SLC7A2: variants seen among roughly 807,000 people sequenced by gnomAD.
The protein encoded by SLC7A2 is solute carrier family 7 member 2.
In SLC7A2, 48 loss-of-function variants were observed where a neutral mutation model predicts 58.9. The observed-to-expected ratio is 0.82, with a 90% CI of 0.65 to 1.04. SLC7A2 has a LOEUF of 1.04. SLC7A2 is among the 50% of genes least tolerant of loss of function. SLC7A2 has a pLI of 0.00. For synonymous variants in SLC7A2, 363 were observed against 314.5 expected (o/e 1.15, Z -1.63); for missense variants, 1,029 against 818.8 (o/e 1.26, Z -3.13).
intron 9 of SLC7A2, among the ~76,000 whole-genome samples, chr8:17,558,645 C>T (rs759356010): frequency 1.2e-4 from 19 of 152,148 alleles, no homozygotes; most frequent in African/African-American, 3.4e-4. Context: ...TAATGTCTAA[C>T]GACACTTAAA....
intron 5 of SLC7A2, among the ~76,000 whole-genome samples, chr8:17,549,719 A>G (rs78382712): frequency 0.081 from 12,305 of 152,240 alleles, 597 homozygotes; most frequent in Middle Eastern, 0.16. Context: ...GTACACCTGT[A>G]TGTTTTTCTT....
intron 2 of SLC7A2, among the ~76,000 whole-genome samples, chr8:17,522,187 C>G (rs546145156): frequency 2.0e-5 from 3 of 152,092 alleles, no homozygotes; most frequent in Non-Finnish European, 4.4e-5. Flanking sequence ...GCAAAAGTCA[C>G]GTCTTACAGG....
Position 17,550,431 on chromosome 8 carries a change from A to G in SLC7A2, c.829A>G (p.Thr277Ala). The G allele has an allele frequency of 6.2e-7, 1 of 1,613,282 alleles. No individual in the cohort carries two copies. ...TGTGGGATTTGACTGCATTGCAACA[A>G]CTGGTAAGAGCAGTGTCTTGGCTCA... is the stretch of plus-strand genomic sequence containing the variant. ...AFVGFDCIAT[T>A]GEEVRNPQKA... Residue 277 changes from threonine to alanine, a missense_variant, in exon 6 of 13, where the codon ACT becomes GCT. Thr to Ala is a moderately conservative substitution (Grantham distance 58). Coordinates refer to ENST00000494857, the MANE Select transcript of SLC7A2 (RefSeq NM_001370338.1).
intron 12 of SLC7A2, 113 bp downstream of exon 12, chr8:17,563,824 C>T: frequency 1.4e-6 from 1 of 690,900 alleles, no homozygotes; most frequent in African/African-American, 1.8e-5. Context: ...TCTTTCTTTC[C>T]TAATTCTTAG....
chr8:17,548,609 T>C (rs888396715), intron 4 of SLC7A2, 69 bp from the exon 5 acceptor site: 1 of 1,086,440 alleles, frequency 9.2e-7, no homozygotes, highest in Non-Finnish European at 1.4e-6. Flanking sequence ...CCTAAAGTCA[T>C]GTATTTGCCT....
At chr8:17,541,212 C>A (rs1293932257) in intron 2 of SLC7A2, among the ~76,000 whole-genome samples, 1 of 152,170 alleles carries the variant, frequency 6.6e-6, no homozygotes, top group African/African-American at 2.4e-5. Flanking sequence ...TCCCTCCTGG[C>A]CCCCTCAGTT....
chr8:17,566,350 A>G lies in SLC7A2; in HGVS notation c.*1204A>G, dbSNP rs553842519. ...AGAAAATCCCCCTGTTCTGATAGGAACGGCCTGTTCCATTGTTAAATGGCA... is the reference window on the plus strand; with the variant it reads ...AGAAAATCCCCCTGTTCTGATAGGAGCGGCCTGTTCCATTGTTAAATGGCA... On this transcript the variant is annotated 3_prime_UTR_variant, in exon 13 of 13. Coordinates refer to ENST00000494857, the MANE Select transcript of SLC7A2 (RefSeq NM_001370338.1). The G allele has an allele frequency of 3.3e-5, 5 of 152,318 alleles. No individual in the cohort carries two copies. The highest frequency in any genetic ancestry group is 9.6e-5 in the African/African-American group (4 of 41,576). 9.4% of individuals were successfully genotyped at this position (152,318 alleles called of 1,614,324 possible).
At chr8:17,540,124 A>C (rs868058422) in intron 2 of SLC7A2, among the ~76,000 whole-genome samples, 1 of 152,312 alleles carries the variant, frequency 6.6e-6, no homozygotes, top group South Asian at 2.1e-4. Context: ...TCTGCTAAGC[A>C]CTGCATGATA....
chr8:17,523,773 A>G (rs1364869804), intron 2 of SLC7A2, among the ~76,000 whole-genome samples: 1 of 152,238 alleles, frequency 6.6e-6, no homozygotes, highest in Non-Finnish European at 1.5e-5. Context: ...GGACTTAATT[A>G]AACTAAAAAG....
chr8:17,506,697 T>A (rs903252490), intron 2 of SLC7A2, among the ~76,000 whole-genome samples: 2 of 152,196 alleles, frequency 1.3e-5, no homozygotes, highest in Non-Finnish European at 2.9e-5. Flanking sequence ...TATTGAAAAG[T>A]CAGACCATTC....
intron 2 of SLC7A2, among the ~76,000 whole-genome samples, chr8:17,509,842 A>T (rs1800528651): frequency 6.6e-6 from 1 of 152,042 alleles, no homozygotes; most frequent in Non-Finnish European, 1.5e-5. Flanking sequence ...TAAATCATGA[A>T]ATTCTGGGTT....
chr8:17,508,722 T>A (rs536132854), intron 2 of SLC7A2, among the ~76,000 whole-genome samples: 100 of 151,702 alleles, frequency 6.6e-4, no homozygotes, highest in African/African-American at 2.3e-3. Context: ...TCAAAAAAAA[T>A]AAAAATAAAA....
At chr8:17,542,404 A>G (rs1047796486) in intron 2 of SLC7A2, among the ~76,000 whole-genome samples, 1 of 152,186 alleles carries the variant, frequency 6.6e-6, no homozygotes, top group Non-Finnish European at 1.5e-5. Context: ...TAATCCCAGC[A>G]CTTTGGGAGG....
At position 17,548,750 on chromosome 8, in the gene SLC7A2, T is replaced by C; in HGVS notation, c.605T>C (p.Leu202Pro). ...TTCACAGCTGTTAATATTCTCGTCCTTCTGTTTGTGATGGTTGCTGGGTTT... is the reference window on the plus strand; with the variant it reads ...TTCACAGCTGTTAATATTCTCGTCCCTCTGTTTGTGATGGTTGCTGGGTTT... ...KVFTAVNILV[L>P]LFVMVAGFVK... The change falls in exon 5 of 13, where the codon CTT becomes CCT. Residue 202 changes from leucine to proline, a missense_variant. Transcript: ENST00000494857. 2.5e-6 allele frequency: 4 copies of C among 1,613,968 alleles called. No homozygotes were observed. Among genetic ancestry groups the C allele is most frequent in the Non-Finnish European group, 3.4e-6 (4 of 1,179,846 alleles).
chr8:17,526,282 T>A (rs1801220076), intron 2 of SLC7A2, among the ~76,000 whole-genome samples: 1 of 152,040 alleles, frequency 6.6e-6, no homozygotes, highest in Admixed American at 6.6e-5. Context: ...TTGTGAAAAA[T>A]GGCAAAGAAA....
chr8:17,543,647 C>G lies in SLC7A2; in HGVS notation c.308C>G (p.Thr103Ser). The G allele has an allele frequency of 1.3e-6, 2 of 1,556,088 alleles. No individual in the cohort carries two copies. The highest frequency in any genetic ancestry group is 1.7e-6 in the Non-Finnish European group (2 of 1,152,978). Residue 103 changes from threonine to serine, a missense_variant, in exon 3 of 13, where the codon ACC (threonine) becomes AGC (serine). Physicochemically the swap from Thr to Ser is moderately conservative, Grantham distance 58. Coordinates refer to ENST00000494857, the MANE Select transcript of SLC7A2 (RefSeq NM_001370338.1). ...AAGACGGGGTCTGCATATTTGTACA[C>G]CTACGTGACTGTCGGAGAGCTGTGG... ...VPKTGSAYLYTYVTVGELWAF... is the reference protein window; with the variant it reads ...VPKTGSAYLYSYVTVGELWAF...
Position 17,562,124 on chromosome 8 carries a change from G to C in SLC7A2, c.1671+14G>C, listed in dbSNP as rs774153606. ...GTAGCCTTCATGGTATGTGTAATGAGGATTAGAGACCCAAAATACTGTATT... is the reference window on the plus strand; with the variant it reads ...GTAGCCTTCATGGTATGTGTAATGACGATTAGAGACCCAAAATACTGTATT... On this transcript the variant is annotated intron_variant, in intron 11 of 12. Transcript: ENST00000494857. 1.3e-6 allele frequency: 2 copies of C among 1,584,762 alleles called. No individual in the cohort carries two copies. Among genetic ancestry groups the C allele is most frequent in the African/African-American group, 1.4e-5 (1 of 72,758 alleles).
At chr8:17,510,698 A>G (rs1800568669) in intron 2 of SLC7A2, 1 of 152,176 alleles carries the variant, frequency 6.6e-6, no homozygotes, top group South Asian at 2.1e-4. Flanking sequence ...CCATTCCTCA[A>G]GGATCTAGAG....
At chr8:17,554,051 C>G (rs939014891) in intron 7 of SLC7A2, among the ~76,000 whole-genome samples, 3 of 151,934 alleles carry the variant, frequency 2.0e-5, no homozygotes, top group Non-Finnish European at 4.4e-5. Context: ...CTAACTTGAT[C>G]CAAGATCAGG....
Sources: allele counts gnomAD v4.1 joint callset (sites outside exome capture counted in the v4.1 genomes callset), GRCh38; gene constraint gnomAD v4.1.1; transcripts MANE v1.5; gene names NCBI Gene and HGNC (gene_info 2026-07-23, HGNC 2026-07-21).